GP9: variants seen among roughly 807,000 people sequenced by gnomAD.
The protein encoded by GP9 is glycoprotein IX platelet.
For missense variants in GP9, 228 were observed against 241.8 expected (o/e 0.94, Z 0.38); for synonymous variants, 116 against 116.7 (o/e 0.99, Z 0.04).
chr3:129,057,904 G>A (rs1946536348), upstream of GP9, among the ~76,000 whole-genome samples: 1 of 147,850 alleles, frequency 6.8e-6, no homozygotes, highest in South Asian at 2.1e-4. Flanking sequence ...CGCGATCTCA[G>A]CTCACCACAG....
chr3:129,057,413 A>C (rs1219054985), upstream of GP9, among the ~76,000 whole-genome samples: 1 of 152,132 alleles, frequency 6.6e-6, no homozygotes, highest in Non-Finnish European at 1.5e-5. Context: ...AGCAAGTGCA[A>C]AGGCCCTGAG....
In GP9 at chr3:129,061,636, C is replaced by A; in HGVS notation, c.-13+17C>A. ...AGAAGGGAGGTGAGTGCACCCCGTC[C>A]CATGTCAGGCTCCGCTACATCCCCA... On this transcript the variant is annotated intron_variant, in intron 2 of 2. Transcript: ENST00000307395. 2.1e-6 allele frequency: 2 copies of A among 967,336 alleles called. No individual in the cohort carries two copies. Among genetic ancestry groups the A allele is most frequent in the Non-Finnish European group, 1.6e-6 (1 of 627,080 alleles). The allele number at this position is 967,336 out of a possible 1,614,324, so 59.9% of individuals were successfully genotyped here. A position where few individuals can be genotyped will look rare whatever the true frequency, so the allele number is the denominator to read the frequency against.
the GP9 span, among the ~76,000 whole-genome samples, chr3:129,055,444 G>C: frequency 2.6e-5 from 4 of 152,180 alleles, no homozygotes; most frequent in Non-Finnish European, 5.9e-5. Flanking sequence ...TTTCTGACCA[G>C]ATACAGCCAC....
At chr3:129,057,713 G>A (rs1017852974), upstream of GP9, among the ~76,000 whole-genome samples, 11 of 152,162 alleles carry the variant, frequency 7.2e-5, no homozygotes, top group East Asian at 1.9e-3. Flanking sequence ...ACAGCAAGTA[G>A]AAGTGACTCT....
chr3:129,055,108 AGTT>A, the GP9 span, among the ~76,000 whole-genome samples: 1 of 152,196 alleles, frequency 6.6e-6, no homozygotes, highest in Non-Finnish European at 1.5e-5. Flanking sequence ...AATGCTGGTC[AGTT>A]GTTGTGTCTG....
At chr3:129,056,522 G>A (rs948421136), upstream of GP9, among the ~76,000 whole-genome samples, 2 of 152,182 alleles carry the variant, frequency 1.3e-5, no homozygotes, top group South Asian at 4.1e-4. Flanking sequence ...AGAAAGGAGT[G>A]GCTGTCTCCC....
At chr3:129,058,889 C>A (rs1368495417), upstream of GP9, among the ~76,000 whole-genome samples, 1 of 152,254 alleles carries the variant, frequency 6.6e-6, no homozygotes, top group African/African-American at 2.4e-5. Context: ...AGGGGCAAAG[C>A]CCTGATTTGG....
chr3:129,061,905 C>A lies in GP9; in HGVS notation c.166C>A (p.Leu56Ile), dbSNP rs768867472. ...LPALPARTRH[L>I]LLANNSLQSV... ...TGCCCTGCCGGCCCGCACCCGCCACCTTCTGCTGGCCAACAACAGCCTTCA... is the reference window on the plus strand; with the variant it reads ...TGCCCTGCCGGCCCGCACCCGCCACATTCTGCTGGCCAACAACAGCCTTCA... The change falls in exon 3 of 3, where the codon CTT (leucine) becomes ATT (isoleucine). Residue 56 changes from leucine (L) to isoleucine (I), a missense_variant. Transcript: ENST00000307395. 3.1e-6 allele frequency: 5 copies of A among 1,613,648 alleles called. No homozygotes were observed. The highest frequency in any genetic ancestry group is 4.2e-6 in the Non-Finnish European group (5 of 1,179,894).
At position 129,062,107 on chromosome 3, in the gene GP9, C is replaced by T. The variant is rs202229101; in HGVS notation, c.368C>T (p.Pro123Leu). The T allele has an allele frequency of 1.3e-3, 2,099 of 1,601,418 alleles. 2 individuals are homozygous for T. The highest frequency in any genetic ancestry group is 1.6e-3 in the Non-Finnish European group (1,906 of 1,175,218). ...CASPSLAAHG[P>L]LGRLTGYQLG... The stretch of plus-strand genomic sequence containing the variant: ...AGCCCCAGCCTCGCTGCCCATGGCC[C>T]GCTGGGCCGGCTGACAGGCTACCAG... The change falls in exon 3 of 3, where the codon CCG becomes CTG. Residue 123 changes from proline (P) to leucine (L), a missense_variant. Physicochemically the swap from Pro to Leu is moderately conservative, Grantham distance 98 (BLOSUM62 -3). Coordinates refer to ENST00000307395, the MANE Select transcript of GP9 (RefSeq NM_000174.5).
Position 129,061,882 on chromosome 3 carries a change from C to A in GP9, c.143C>A (p.Ala48Asp), listed in dbSNP as rs1195183813. The A allele has an allele frequency of 2.5e-6, 4 of 1,613,374 alleles. No homozygotes were observed. The highest frequency in any genetic ancestry group is 3.4e-6 in the Non-Finnish European group (4 of 1,179,808). The stretch of plus-strand genomic sequence containing the variant: ...GGCCACGGACTCACGGCCCTGCCTG[C>A]CCTGCCGGCCCGCACCCGCCACCTT... ...CRGHGLTALP[A>D]LPARTRHLLL... Residue 48 changes from alanine to aspartate, a missense_variant, in exon 3 of 3, where the codon GCC becomes GAC. By Grantham distance (126) the Ala-to-Asp change is moderately radical (BLOSUM62 -2). Transcript: ENST00000307395.
In GP9 at chr3:129,061,975, C is replaced by T. The variant is rs200640594; in HGVS notation, c.236C>T (p.Thr79Ile). The change falls in exon 3 of 3, where the codon ACC (threonine) becomes ATC (isoleucine). Residue 79 changes from threonine to isoleucine, a missense_variant. Transcript: ENST00000307395. ...TTTGACCACCTGCCCCAGCTGCAGA[C>T]CCTCGATGTGACGCAGAACCCCTGG... ...GAFDHLPQLQ[T>I]LDVTQNPWHC... The T allele has an allele frequency of 2.1e-4, 338 of 1,613,862 alleles. 1 individual carries two copies. The Admixed American group carries it at 2.1e-3, about 10-fold the overall frequency.
Position 129,062,090 on chromosome 3 carries a change from C to T in GP9, c.351C>T (p.Ser117=), listed in dbSNP as rs775081774. ...ALLQVRCASP[S]LAAHGPLGRL... ...TGCAGGTCCGCTGTGCCAGCCCCAG[C>T]CTCGCTGCCCATGGCCCGCTGGGCC... The change falls in exon 3 of 3, where the codon AGC becomes AGT. Residue 117 remains serine (S), a synonymous_variant. Transcript: ENST00000307395. The T allele has an allele frequency of 1.9e-6, 3 of 1,608,024 alleles. No individual in the cohort carries two copies. The highest frequency in any genetic ancestry group is 2.5e-6 in the Non-Finnish European group (3 of 1,177,972).
At chr3:129,061,050 G>C (rs1223603329) in intron 1 of GP9, among the ~76,000 whole-genome samples, 200 bp downstream of exon 1, 1 of 152,216 alleles carries the variant, frequency 6.6e-6, no homozygotes, top group Non-Finnish European at 1.5e-5. Context: ...CTGGTGGAGG[G>C]GAAACGCCTG....
In GP9 at chr3:129,061,917, A is replaced by C; in HGVS notation, c.178A>C (p.Asn60His). 1 of 1,613,760 alleles carries C rather than the reference A, an allele frequency of 6.2e-7. No homozygotes were observed. Among genetic ancestry groups the C allele is most frequent in the South Asian group, 1.1e-5 (1 of 91,072 alleles). ...PARTRHLLLA[N>H]NSLQSVPPGA... The stretch of plus-strand genomic sequence containing the variant: ...CCGCACCCGCCACCTTCTGCTGGCC[A>C]ACAACAGCCTTCAGTCCGTGCCCCC... Residue 60 changes from asparagine (N) to histidine (H), a missense_variant, in exon 3 of 3, where the codon AAC (asparagine) becomes CAC (histidine). By Grantham distance (68) the Asn-to-His change is moderately conservative. Coordinates refer to ENST00000307395, the MANE Select transcript of GP9 (RefSeq NM_000174.5).
At chr3:129,056,544 G>A (rs564520639), upstream of GP9, among the ~76,000 whole-genome samples, 3 of 152,232 alleles carry the variant, frequency 2.0e-5, no homozygotes, top group African/African-American at 7.2e-5. Flanking sequence ...CATGTTTCTC[G>A]TTATTTGTGT....
chr3:129,056,737 C>T (rs778377879), upstream of GP9, among the ~76,000 whole-genome samples: 1 of 152,082 alleles, frequency 6.6e-6, no homozygotes, highest in Non-Finnish European at 1.5e-5. Flanking sequence ...GTTATGCCCC[C>T]GGTGAATCTT....
At chr3:129,055,456 G>T in the GP9 span, among the ~76,000 whole-genome samples, 3 of 152,308 alleles carry the variant, frequency 2.0e-5, no homozygotes, top group South Asian at 6.2e-4. Context: ...TACAGCCACT[G>T]AGCTGAAGGG....
upstream of GP9, among the ~76,000 whole-genome samples, chr3:129,058,292 G>A (rs1001306854): frequency 1.2e-4 from 18 of 152,218 alleles, no homozygotes; most frequent in Admixed American, 3.9e-4. Flanking sequence ...GGTTCCTATT[G>A]CTGCTGTCAC....
At chr3:129,057,717 T>A (rs552918421), upstream of GP9, among the ~76,000 whole-genome samples, 8 of 152,042 alleles carry the variant, frequency 5.3e-5, no homozygotes, top group East Asian at 1.5e-3. Flanking sequence ...CAAGTAGAAG[T>A]GACTCTTCAG....
Sources: allele counts gnomAD v4.1 joint callset (sites outside exome capture counted in the v4.1 genomes callset), GRCh38; gene constraint gnomAD v4.1.1; transcripts MANE v1.5; gene names NCBI Gene and HGNC (gene_info 2026-07-23, HGNC 2026-07-21).